Variants in ZDHHC14 observed in about 807,000 individuals in gnomAD.
ZDHHC14 encodes the protein palmitoyltransferase ZDHHC14.
In ZDHHC14, 16 loss-of-function variants were observed where a neutral mutation model predicts 47.7. That is an observed-to-expected ratio of 0.34 (90% confidence interval 0.23 to 0.51). The LOEUF is 0.51. Among genes scored for constraint, ZDHHC14 ranks in the 20% least tolerant of loss-of-function variants. The pLI is 0.97. For missense variants in ZDHHC14, 515 were observed against 662.5 expected, an observed-to-expected ratio of 0.78 and a Z score of 2.44; for synonymous variants, 293 against 278.9, an observed-to-expected ratio of 1.05 and a Z score of -0.50.
At chr6:157,587,959 A>G (rs1204014803) in intron 2 of ZDHHC14, among the ~76,000 whole-genome samples, 2 of 152,118 alleles carry the variant, frequency 1.3e-5, no homozygotes, top group African/African-American at 4.8e-5. Flanking sequence ...GTCTCTATAA[A>G]AAATTTAAAA....
chr6:157,470,753 C>G (rs529302884), intron 1 of ZDHHC14, among the ~76,000 whole-genome samples: 11 of 152,332 alleles, frequency 7.2e-5, no homozygotes, highest in Admixed American at 1.3e-4. Context: ...ACATTAATAT[C>G]ATGGTAGGCT....
intron 2 of ZDHHC14, among the ~76,000 whole-genome samples, chr6:157,553,689 T>G (rs904661527): frequency 2.0e-5 from 3 of 152,124 alleles, no homozygotes; most frequent in Non-Finnish European, 4.4e-5. Flanking sequence ...GTATCTCCCT[T>G]CCCTCTGTGC....
At chr6:157,485,045 C>T (rs577797643) in intron 1 of ZDHHC14, among the ~76,000 whole-genome samples, 3 of 152,100 alleles carry the variant, frequency 2.0e-5, no homozygotes, top group East Asian at 3.9e-4. Flanking sequence ...TGACATGAGA[C>T]GAGATCGCGC....
chr6:157,473,825 A>G (rs1433052475), intron 1 of ZDHHC14, among the ~76,000 whole-genome samples: 2 of 152,148 alleles, frequency 1.3e-5, no homozygotes, highest in Admixed American at 1.3e-4. Flanking sequence ...TAAGGTGTGT[A>G]TGAAACATAA....
intron 3 of ZDHHC14, 40 bp downstream of exon 3, chr6:157,593,186 C>A: frequency 6.3e-7 from 1 of 1,580,692 alleles, no homozygotes; most frequent in Non-Finnish European, 8.6e-7. Flanking sequence ...GAGCCCGGGT[C>A]CTCCGGGTGG....
intron 5 of ZDHHC14, among the ~76,000 whole-genome samples, chr6:157,645,400 A>G (rs1260948622): frequency 6.6e-6 from 1 of 152,152 alleles, no homozygotes; most frequent in African/African-American, 2.4e-5. Context: ...TCAGGATGCC[A>G]CAGTCGCTGG....
At position 157,637,561 on chromosome 6, in the gene ZDHHC14, CTG is replaced by C. The variant is rs532461708; in HGVS notation, c.752+4681_752+4682del. Among the ~76,000 whole-genome samples the C allele has an allele frequency of 9.2e-5, 14 of 152,308 alleles. No homozygotes were observed. The South Asian group carries it at 2.9e-3, about 32-fold the overall frequency. On this transcript the variant is annotated intron_variant, in intron 5 of 8. Coordinates refer to ENST00000359775, the MANE Select transcript of ZDHHC14 (RefSeq NM_024630.3). ...TGCCCACGCTTTGTCCTCTCCAAAT[CTG>C]TACTCCATCCAGAGCAAGAATCTGT... is the stretch of plus-strand genomic sequence containing the variant.
intron 1 of ZDHHC14, among the ~76,000 whole-genome samples, chr6:157,525,705 G>A (rs1057185379): frequency 3.9e-5 from 6 of 152,174 alleles, no homozygotes; most frequent in African/African-American, 1.4e-4. Flanking sequence ...CTACCGTATT[G>A]TGGAGTGACT....
chr6:157,522,658 AT>A (rs1327347711), intron 1 of ZDHHC14, among the ~76,000 whole-genome samples: 1 of 149,944 alleles, frequency 6.7e-6, no homozygotes, highest in Non-Finnish European at 1.5e-5. Flanking sequence ...ATAAGAATTG[AT>A]TTTTTATTAT....
intron 3 of ZDHHC14, among the ~76,000 whole-genome samples, chr6:157,605,793 C>T (rs1452283062): frequency 6.6e-6 from 1 of 152,026 alleles, no homozygotes; most frequent in African/African-American, 2.4e-5. Flanking sequence ...TGAGACTCTG[C>T]GTGGGCACAG....
At chr6:157,565,246 C>CA (rs781492564) in intron 2 of ZDHHC14, among the ~76,000 whole-genome samples, 8 of 151,016 alleles carry the variant, frequency 5.3e-5, no homozygotes, top group South Asian at 2.1e-4. Flanking sequence ...ACCTTATCTC[C>CA]AAAAAAAAGA....
chr6:157,482,559 G>A (rs146732678), intron 1 of ZDHHC14, among the ~76,000 whole-genome samples: 134 of 151,262 alleles, frequency 8.9e-4, no homozygotes, highest in Non-Finnish European at 1.5e-3. Flanking sequence ...TGGCTCCAAC[G>A]TCTATATTTC....
intron 1 of ZDHHC14, among the ~76,000 whole-genome samples, chr6:157,414,696 T>C (rs1777939082): frequency 6.6e-6 from 1 of 152,212 alleles, no homozygotes. Flanking sequence ...GTCTTTGCAA[T>C]GTCAGAGGAT....
Position 157,470,520 on chromosome 6 carries a change from C to T in ZDHHC14, c.246-72065C>T, listed in dbSNP as rs570238771. Among the ~76,000 whole-genome samples, 6 of 152,232 alleles carry T rather than the reference C, an allele frequency of 3.9e-5. No individual in the cohort carries two copies. The South Asian group carries it at 1.2e-3, about 32-fold the overall frequency. Reference sequence around the variant, plus strand: ...AAAAGTGTCAAAAAGCTAAAGGTATCCATTGACCACAAGTATGTTAAAATA... The same window carrying T: ...AAAAGTGTCAAAAAGCTAAAGGTATTCATTGACCACAAGTATGTTAAAATA... On this transcript the variant is annotated intron_variant, in intron 1 of 8. Coordinates refer to ENST00000359775, the MANE Select transcript of ZDHHC14 (RefSeq NM_024630.3).
intron 1 of ZDHHC14, among the ~76,000 whole-genome samples, chr6:157,512,532 C>T (rs996947446): frequency 1.3e-5 from 2 of 152,168 alleles, no homozygotes; most frequent in African/African-American, 4.8e-5. Flanking sequence ...AGAAGAGCAA[C>T]AATAAATTGC....
chr6:157,457,657 A>G (rs1778958627), intron 1 of ZDHHC14, among the ~76,000 whole-genome samples: 1 of 152,202 alleles, frequency 6.6e-6, no homozygotes, highest in South Asian at 2.1e-4. Flanking sequence ...AGTGATATTC[A>G]TGTCCAAAAT....
intron 1 of ZDHHC14, among the ~76,000 whole-genome samples, chr6:157,461,864 GGCCTCGGA>G (rs1446903565): frequency 1.3e-5 from 2 of 152,168 alleles, no homozygotes; most frequent in Non-Finnish European, 2.9e-5. Context: ...CATGGAAACT[GGCCTCGGA>G]GCACCGTGCC....
chr6:157,554,736 A>G (rs147285392), intron 2 of ZDHHC14, among the ~76,000 whole-genome samples: 143 of 152,368 alleles, frequency 9.4e-4, no homozygotes, highest in Non-Finnish European at 9.8e-4. Context: ...CAGCGAGTAA[A>G]AAAACGTCGG....
intron 1 of ZDHHC14, among the ~76,000 whole-genome samples, chr6:157,496,408 C>G (rs538181686): frequency 6.6e-6 from 1 of 152,200 alleles, no homozygotes; most frequent in East Asian, 1.9e-4. Context: ...ATTCTGTTCC[C>G]CAAAAAGATA....
Sources: gnomAD v4.1 joint callset for allele counts (sites outside exome capture counted in the v4.1 genomes callset) on GRCh38, gnomAD v4.1.1 for gene constraint, MANE v1.5 for transcripts, NCBI Gene and HGNC (gene_info 2026-07-23, HGNC 2026-07-21) for gene names.